Variants in SCN11A observed in about 807,000 individuals in gnomAD.
The protein encoded by SCN11A is sodium voltage-gated channel alpha subunit 11, also known as sodium channel protein type 11 subunit alpha.
SCN11A carries 122 observed loss-of-function variants against 162.2 expected under a neutral mutation model. That is an observed-to-expected ratio of 0.75 (90% CI 0.65 to 0.87). SCN11A has a LOEUF of 0.87. Among genes scored for constraint, SCN11A ranks in the 40% least tolerant of loss-of-function variants. SCN11A has a pLI of 0.00. For missense variants in SCN11A, 2,015 were observed against 2,181.6 expected (o/e 0.92, Z 1.52); for synonymous variants, 758 against 751.5 (o/e 1.01, Z -0.14).
chr3:38,847,662 TC>T lies in SCN11A; in HGVS notation c.4407del (p.Ile1470LeufsTer5), dbSNP rs1365337441. The T allele has an allele frequency of 6.2e-7, 1 of 1,613,980 alleles. No homozygotes were observed. Among genetic ancestry groups the T allele is most frequent in the South Asian group, 1.1e-5 (1 of 91,066 alleles). On this transcript the variant is annotated frameshift_variant, in exon 30 of 30. Transcript: ENST00000302328. LOFTEE classifies it low-confidence loss of function (END_TRUNC). ...CGGACAAGCCTCAGGATTCGGCCAA[TC>T]CGAGCCAAGCGGACAATTCTGAAGA... The part of the protein sequence containing the change: ...PTLFRIVRLA[R>X]IGRILRLVRA...
At chr3:38,890,939 G>C (rs2065489427) in intron 19 of SCN11A, among the ~76,000 whole-genome samples, 1 of 152,104 alleles carries the variant, frequency 6.6e-6, no homozygotes, top group Non-Finnish European at 1.5e-5. Flanking sequence ...AAGTGAATCA[G>C]TTATAGAGTT....
intron 22 of SCN11A, 41 bp downstream of exon 22, chr3:38,883,192 G>T (rs1476992492): frequency 1.3e-6 from 2 of 1,574,212 alleles, no homozygotes; most frequent in African/African-American, 1.3e-5. Flanking sequence ...TTCCCCAGCT[G>T]CCCTGATGCC....
chr3:38,997,490 T>C (rs2030680106), intron 2 of SCN11A, among the ~76,000 whole-genome samples: 1 of 152,246 alleles, frequency 6.6e-6, no homozygotes, highest in Admixed American at 6.5e-5. Flanking sequence ...CCTCATGCTA[T>C]GCTTTATTTT....
intron 5 of SCN11A, 79 bp downstream of exon 5, chr3:38,950,017 G>T: frequency 2.4e-6 from 2 of 850,684 alleles, no homozygotes; most frequent in Non-Finnish European, 3.6e-6. Flanking sequence ...AGTGGTGTTT[G>T]GAGAACCTGT....
intron 7 of SCN11A, among the ~76,000 whole-genome samples, chr3:38,942,603 T>C (rs534302532): frequency 1.5e-4 from 23 of 152,082 alleles, no homozygotes; most frequent in Non-Finnish European, 2.8e-4. Flanking sequence ...AAATGACATA[T>C]GGGACAAAGA....
chr3:38,897,011 A>C lies in SCN11A; in HGVS notation c.2237T>G (p.Leu746Ter). 6.2e-7 allele frequency: 1 copy of C among 1,614,178 alleles called. No individual in the cohort carries two copies. Among genetic ancestry groups the C allele is most frequent in the Non-Finnish European group, 8.5e-7 (1 of 1,180,018 alleles). The change falls in exon 18 of 30, where the codon TTA (leucine) becomes TGA (stop). Residue 746 changes from leucine to a stop codon, truncating the protein, a stop_gained. Coordinates refer to ENST00000302328, the MANE Select transcript of SCN11A (RefSeq NM_001349253.2). LOFTEE classifies it high-confidence loss of function. ...CNPTGPTVSC[L>*]RHWHMGDFWH... is the part of the protein sequence containing the mutation. ...GAAATCCCCCATGTGCCAGTGCCGT[A>C]AACATGAGACTGTCGGGCCTGTCGG...
chr3:38,884,210 G>T lies in SCN11A; in HGVS notation c.3065-823C>A, dbSNP rs187088659. On this transcript the variant is annotated intron_variant, in intron 21 of 29. Transcript: ENST00000302328. Reference sequence around the variant, plus strand: ...CATCAGTAGGTTCATCTTCCTAAAAGACTACACTTTTTTCCTGGCTTTTAT... The same window carrying T: ...CATCAGTAGGTTCATCTTCCTAAAATACTACACTTTTTTCCTGGCTTTTAT... Among the ~76,000 whole-genome samples the T allele has an allele frequency of 4.2e-3, 635 of 152,200 alleles. 1 individual carries two copies. The highest frequency in any genetic ancestry group is 6.5e-3 in the Non-Finnish European group (443 of 68,012).
At position 38,880,114 on chromosome 3, in the gene SCN11A, C is replaced by G; in HGVS notation, c.3229G>C (p.Asp1077His). Residue 1077 changes from aspartate (D) to histidine (H), a missense_variant, in exon 23 of 30, where the codon GAT (aspartate) becomes CAT (histidine). By Grantham distance (81) the Asp-to-His change is moderately conservative (BLOSUM62 -1). Coordinates refer to ENST00000302328, the MANE Select transcript of SCN11A (RefSeq NM_001349253.2). ...LLSSGALIFEDVHLENQPKIQ... is the reference protein window; with the variant it reads ...LLSSGALIFEHVHLENQPKIQ... ...TTGGGTTGGTTCTCAAGGTGAACAT[C>G]TTCAAATATCTGAAATGAAAAAGCA... is the stretch of plus-strand genomic sequence containing the variant. The G allele has an allele frequency of 2.5e-6, 4 of 1,605,546 alleles. No homozygotes were observed. The highest frequency in any genetic ancestry group is 3.4e-6 in the Non-Finnish European group (4 of 1,175,328).
chr3:38,942,265 T>C (rs1302772019), intron 7 of SCN11A, among the ~76,000 whole-genome samples: 1 of 152,016 alleles, frequency 6.6e-6, no homozygotes, highest in Non-Finnish European at 1.5e-5. Flanking sequence ...TAGATAGAGA[T>C]TTCAAGCCTC....
intron 1 of SCN11A, among the ~76,000 whole-genome samples, chr3:39,034,835 T>C (rs1399212179): frequency 1.3e-5 from 2 of 152,122 alleles, no homozygotes; most frequent in Admixed American, 1.3e-4. Flanking sequence ...TGAAGGAAGG[T>C]AATTCTATTT....
intron 2 of SCN11A, among the ~76,000 whole-genome samples, chr3:39,005,612 T>C (rs2030948580): frequency 1.3e-5 from 2 of 152,250 alleles, no homozygotes. Flanking sequence ...CAGCCCTTGT[T>C]TGCCATGTGG....
At chr3:39,048,800 T>C (rs1240822422) in intron 1 of SCN11A, among the ~76,000 whole-genome samples, 2 of 152,202 alleles carry the variant, frequency 1.3e-5, no homozygotes, top group African/African-American at 4.8e-5. Context: ...TTTTTCTTCT[T>C]CGGGATGCTC....
At chr3:39,014,652 T>C (rs1408064660) in intron 2 of SCN11A, among the ~76,000 whole-genome samples, 1 of 152,220 alleles carries the variant, frequency 6.6e-6, no homozygotes, top group Non-Finnish European at 1.5e-5. Flanking sequence ...GCTGTACTTA[T>C]TTATGGTAAA....
chr3:38,904,428 T>C (rs1027551822), intron 15 of SCN11A, among the ~76,000 whole-genome samples: 4 of 152,060 alleles, frequency 2.6e-5, no homozygotes, highest in Non-Finnish European at 4.4e-5. Context: ...GAGAGATAGA[T>C]ACAGGCACAA....
At chr3:38,996,065 A>AC (rs2030622412) in intron 2 of SCN11A, among the ~76,000 whole-genome samples, 1 of 152,158 alleles carries the variant, frequency 6.6e-6, no homozygotes, top group Non-Finnish European at 1.5e-5. Flanking sequence ...TGAGAAGGTG[A>AC]CCATCTACAA....
chr3:38,953,190 A>T, intron 4 of SCN11A, among the ~76,000 whole-genome samples: 1 of 152,134 alleles, frequency 6.6e-6, no homozygotes, highest in East Asian at 1.9e-4. Context: ...TCTCACTTAT[A>T]AGTGGGAGCT....
chr3:39,042,130 G>A (rs1247086116), intron 1 of SCN11A, among the ~76,000 whole-genome samples: 3 of 152,002 alleles, frequency 2.0e-5, no homozygotes, highest in Non-Finnish European at 4.4e-5. Context: ...TTATCTGGGC[G>A]TGGTGGTAGG....
At position 38,894,774 on chromosome 3, in the gene SCN11A, T is replaced by C. The variant is rs2065564725; in HGVS notation, c.2594A>G (p.Gln865Arg). 4 of 1,614,184 alleles carry C rather than the reference T, an allele frequency of 2.5e-6. No homozygotes were observed. Among genetic ancestry groups the C allele is most frequent in the Non-Finnish European group, 3.4e-6 (4 of 1,180,028 alleles). ...ACAGCCTCCTGCCACCTCTTTTTGC[T>C]GTGGTAAGTTTTGCTTCCTGCACCA... ...HKWCRKQNLPQQKEVAGGCAA... is the reference protein window; with the variant it reads ...HKWCRKQNLPRQKEVAGGCAA... Residue 865 changes from glutamine to arginine, a missense_variant, in exon 19 of 30, where the codon CAG becomes CGG. Transcript: ENST00000302328.
At chr3:38,918,331 C>T (rs1253775805) in intron 11 of SCN11A, among the ~76,000 whole-genome samples, 3 of 152,212 alleles carry the variant, frequency 2.0e-5, no homozygotes, top group Admixed American at 6.5e-5. Flanking sequence ...CTGCTAGGAA[C>T]TAGGCTGTAC....
Sources: gnomAD v4.1 joint callset for allele counts (sites outside exome capture counted in the v4.1 genomes callset) on GRCh38, gnomAD v4.1.1 for gene constraint, MANE v1.5 for transcripts, NCBI Gene and HGNC (gene_info 2026-07-23, HGNC 2026-07-21) for gene names.